The following PFKM variants were observed in gnomAD, a reference collection of about 807,000 sequenced individuals.
PFKM encodes the protein phosphofructokinase, muscle.
Under a neutral mutation model 95.5 loss-of-function variants are expected in PFKM, and 58 were observed. The observed-to-expected ratio is 0.61, with a 90% CI of 0.49 to 0.76. The LOEUF (loss-of-function observed/expected upper bound fraction) is 0.76, where lower values mean the gene tolerates loss of function less well. Among genes scored for constraint, PFKM ranks in the 30% least tolerant of loss-of-function variants. PFKM has a pLI of 0.00. For synonymous variants in PFKM, 336 were observed against 357.2 expected (o/e 0.94, Z 0.67); for missense variants, 678 against 1,005.4 (o/e 0.67, Z 4.40).
intron 12 of PFKM, 50 bp downstream of exon 12, chr12:48,139,399 C>T (rs1338270693): frequency 4.1e-6 from 6 of 1,446,308 alleles, no homozygotes; most frequent in African/African-American, 1.4e-5. Context: ...GAGGCGTGAA[C>T]GAAGCCAAAG....
chr12:48,117,294 T>A (rs973338846), upstream of PFKM, among the ~76,000 whole-genome samples: 18 of 152,388 alleles, frequency 1.2e-4, no homozygotes, highest in African/African-American at 4.3e-4. Context: ...TTTATAAACA[T>A]TCATGTGCAG....
chr12:48,139,426 G>A, intron 12 of PFKM, 77 bp downstream of exon 12: 1 of 1,105,290 alleles, frequency 9.0e-7, no homozygotes, highest in East Asian at 2.4e-5. Flanking sequence ...ATGGCTCCAG[G>A]CCCAAAACAT....
At position 48,114,084 on chromosome 12, in the gene PFKM, A is replaced by G. The variant is rs544424093; in HGVS notation, c.205+5890A>G. On this transcript the variant is annotated intron_variant, in intron 3 of 24. Transcript: ENST00000340802. ...TCTGGGGAATCGGCCGGATAGTTCCATTGGGGATCGCCTCAGGGAACTGCT... is the reference window on the plus strand; with the variant it reads ...TCTGGGGAATCGGCCGGATAGTTCCGTTGGGGATCGCCTCAGGGAACTGCT... Among the ~76,000 whole-genome samples the G allele has an allele frequency of 4.6e-5, 7 of 152,244 alleles. No homozygotes were observed. The South Asian group carries it at 1.5e-3, about 32-fold the overall frequency.
chr12:48,137,929 C>A, intron 11 of PFKM, 83 bp downstream of exon 11: 2 of 1,473,314 alleles, frequency 1.4e-6, no homozygotes, highest in South Asian at 1.1e-5. Context: ...ATGTCTAAGG[C>A]CACTGGTATA....
intron 10 of PFKM, 69 bp downstream of exon 10, chr12:48,135,452 C>A: frequency 8.9e-7 from 1 of 1,118,118 alleles, no homozygotes; most frequent in Non-Finnish European, 1.4e-6. Context: ...CCCCTCAGGG[C>A]TGCACTTCAC....
At chr12:48,131,679 G>A (rs557242375) in intron 4 of PFKM, 36 of 452,178 alleles carry the variant, frequency 8.0e-5, no homozygotes, top group African/African-American at 6.2e-4. Context: ...CTTACTCTAG[G>A]GTCACAGGGA....
chr12:48,127,252 C>A (rs1049484143), intron 2 of PFKM, among the ~76,000 whole-genome samples: 11 of 152,196 alleles, frequency 7.2e-5, no homozygotes, highest in African/African-American at 9.6e-5. Context: ...CCTTCCCCTT[C>A]CTGTTCCTTC....
chr12:48,128,931 C>T (rs1217951616), intron 2 of PFKM, among the ~76,000 whole-genome samples: 1 of 152,166 alleles, frequency 6.6e-6, no homozygotes, highest in Non-Finnish European at 1.5e-5. Flanking sequence ...TGCTCCTTGT[C>T]ACATTACATG....
intron 19 of PFKM, 81 bp downstream of exon 19, chr12:48,143,895 C>CA: frequency 8.5e-7 from 1 of 1,179,420 alleles, no homozygotes. Context: ...ATTGTTGGGA[C>CA]ACCCTGAGGA....
At chr12:48,125,363 T>C (rs936579232) in intron 2 of PFKM, 9 of 447,954 alleles carry the variant, frequency 2.0e-5, no homozygotes, top group Non-Finnish European at 4.0e-5. Flanking sequence ...GGCTCACACC[T>C]GTAATCCCAG....
rs187131358 is a variant in PFKM at position 48,139,349 on chromosome 12, G to A, written c.1127G>A (p.Arg376Gln). 7 of 1,611,920 alleles carry A rather than the reference G, an allele frequency of 4.3e-6. No individual in the cohort carries two copies. Among genetic ancestry groups the A allele is most frequent in the African/African-American group, 1.3e-5 (1 of 74,996 alleles). The change falls in exon 12 of 23, where the codon CGG becomes CAG. Residue 376 changes from arginine (R) to glutamine (Q), a missense_variant and splice_region_variant. By Grantham distance (43) the Arg-to-Gln change is conservative. Transcript: ENST00000359794. ...GACGAAGCCCTGAAGCTGAGAGGCC[G>A]GTGAGGAGATGACGGGAAGCTCACT... ...KFDEALKLRG[R>Q]SFMNNWEVYK...
rs774040508 is a variant in PFKM, at chr12:48,142,956, C to T, written c.1818+10C>T. 8.7e-6 allele frequency: 14 copies of T among 1,611,520 alleles called. No individual in the cohort carries two copies. Among genetic ancestry groups the T allele is most frequent in the South Asian group, 1.1e-5 (1 of 90,960 alleles). ...CATTCGAGACCTGCAGGTAGCTGGC[C>T]ACCCAGAGCCTGCTAGATAGCTCTC... On this transcript the variant is annotated intron_variant, in intron 18 of 22. Coordinates refer to ENST00000359794, the MANE Select transcript of PFKM (RefSeq NM_000289.6).
intron 4 of PFKM, 174 bp downstream of exon 4, chr12:48,131,567 G>T (rs1949489195): frequency 3.0e-6 from 2 of 666,578 alleles, no homozygotes; most frequent in Non-Finnish European, 2.7e-6. Flanking sequence ...ATACCACCCT[G>T]GTTTCCTGGG....
chr12:48,139,159 G>A (rs938303154), intron 11 of PFKM, 126 bp from the exon 12 acceptor site: 1 of 760,886 alleles, frequency 1.3e-6, no homozygotes, highest in Non-Finnish European at 2.4e-6. Flanking sequence ...TAGGAAAGGT[G>A]GGGTGTAGAA....
chr12:48,142,671 C>A, intron 17 of PFKM, 111 bp from the exon 18 acceptor site: 1 of 1,077,544 alleles, frequency 9.3e-7, no homozygotes, highest in South Asian at 1.3e-5. Context: ...AAGGGCCCTG[C>A]TAGCCTATGG....
intron 5 of PFKM, 92 bp downstream of exon 5, chr12:48,133,149 C>A: frequency 1.5e-6 from 2 of 1,375,038 alleles, no homozygotes; most frequent in Non-Finnish European, 2.1e-6. Flanking sequence ...TTTTACCTCC[C>A]ATTGGAGAAA....
At chr12:48,138,081 C>T (rs1416103216) in intron 11 of PFKM, among the ~76,000 whole-genome samples, 1 of 152,166 alleles carries the variant, frequency 6.6e-6, no homozygotes, top group Non-Finnish European at 1.5e-5. Context: ...TCTACATCCT[C>T]CTTAGTAATG....
At chr12:48,135,087 C>T (rs1222643043) in intron 9 of PFKM, 49 bp downstream of exon 9, 2 of 1,391,410 alleles carry the variant, frequency 1.4e-6, no homozygotes, top group Non-Finnish European at 1.0e-6. Context: ...AGCCCATTCC[C>T]TTCTGGCTTC....
At position 48,137,847 on chromosome 12, in the gene PFKM, G is replaced by C; in HGVS notation, c.1062+1G>C. 6.2e-7 allele frequency: 1 copy of C among 1,614,168 alleles called. No homozygotes were observed. The highest frequency in any genetic ancestry group is 8.5e-7 in the Non-Finnish European group (1 of 1,180,002). ...GCCCCTCATGGAATGTGTCCAGGTG[G>C]TAAGTACTGATCCTAAACCCCTTTC... On this transcript the variant is annotated splice_donor_variant, in intron 11 of 22. Transcript: ENST00000359794. LOFTEE classifies it high-confidence loss of function.
Sources: gnomAD v4.1 joint callset for allele counts (sites outside exome capture counted in the v4.1 genomes callset) on GRCh38, gnomAD v4.1.1 for gene constraint, MANE v1.5 for transcripts, NCBI Gene and HGNC (gene_info 2026-07-23, HGNC 2026-07-21) for gene names.